GRIK4: variants seen among roughly 807,000 people sequenced by gnomAD.
The protein encoded by GRIK4 is glutamate receptor ionotropic, kainate 4.
A neutral mutation model predicts 104.9 loss-of-function variants in GRIK4; 40 were observed. That is an observed-to-expected ratio of 0.38 (90% confidence interval 0.30 to 0.50). GRIK4 has a LOEUF of 0.50. Ranked by LOEUF, GRIK4 falls within the 20% of genes least tolerant of loss-of-function variation. The pLI, the probability that GRIK4 is intolerant of heterozygous loss-of-function variation, is 0.93. For synonymous variants in GRIK4, 485 were observed against 524.9 expected (o/e 0.92, Z 1.04); for missense variants, 1,047 against 1,308.1 (o/e 0.80, Z 3.08).
chr11:120,691,186 A>G (rs1283259046), intron 3 of GRIK4, among the ~76,000 whole-genome samples: 1 of 152,130 alleles, frequency 6.6e-6, no homozygotes, highest in East Asian at 1.9e-4. Context: ...ACTGTTTTCA[A>G]TTCACCTACC....
At chr11:120,850,284 C>T (rs774690593) in intron 8 of GRIK4, among the ~76,000 whole-genome samples, 1 of 151,924 alleles carries the variant, frequency 6.6e-6, no homozygotes, top group African/African-American at 2.4e-5. Context: ...TAAAATTCAT[C>T]GTAGTCACAG....
chr11:120,965,853 T>G (rs1944374838), intron 18 of GRIK4, among the ~76,000 whole-genome samples: 1 of 152,210 alleles, frequency 6.6e-6, no homozygotes, highest in African/African-American at 2.4e-5. Flanking sequence ...CTTGAAAATT[T>G]GAAAAGCACT....
chr11:120,853,247 T>C (rs1421986716), intron 8 of GRIK4, among the ~76,000 whole-genome samples: 1 of 152,118 alleles, frequency 6.6e-6, no homozygotes, highest in Non-Finnish European at 1.5e-5. Flanking sequence ...AATCATAGCA[T>C]GAAAAGACTT....
chr11:120,772,215 A>AAAAC (rs367976403), intron 3 of GRIK4, among the ~76,000 whole-genome samples: 5 of 152,226 alleles, frequency 3.3e-5, no homozygotes, highest in South Asian at 2.1e-4. Context: ...TGCTATTTAA[A>AAAAC]AAACAAACAA....
intron 1 of GRIK4, among the ~76,000 whole-genome samples, chr11:120,519,420 T>A (rs1947769718): frequency 6.6e-6 from 1 of 152,008 alleles, no homozygotes; most frequent in Non-Finnish European, 1.5e-5. Context: ...CAAAGCCCCC[T>A]CACCGCTCCC....
chr11:120,558,363 G>A (rs1307266044), intron 1 of GRIK4, among the ~76,000 whole-genome samples: 6 of 152,184 alleles, frequency 3.9e-5, no homozygotes, highest in African/African-American at 7.2e-5. Context: ...CGAGGTGGGC[G>A]GATCATGATG....
At chr11:120,808,986 G>A (rs1952772255) in intron 4 of GRIK4, among the ~76,000 whole-genome samples, 1 of 152,086 alleles carries the variant, frequency 6.6e-6, no homozygotes, top group African/African-American at 2.4e-5. Flanking sequence ...CTGGCCCCCT[G>A]GGTCCATCCA....
At chr11:120,802,359 G>C (rs1415139877) in intron 3 of GRIK4, among the ~76,000 whole-genome samples, 1 of 152,200 alleles carries the variant, frequency 6.6e-6, no homozygotes, top group Non-Finnish European at 1.5e-5. Flanking sequence ...CACAATGCCT[G>C]CTTGCCTGTG....
At chr11:120,585,744 G>C (rs1382427888) in intron 1 of GRIK4, among the ~76,000 whole-genome samples, 1 of 145,312 alleles carries the variant, frequency 6.9e-6, no homozygotes, top group South Asian at 2.2e-4. Context: ...TTTTGCAAAT[G>C]GGTATCCAAT....
chr11:120,699,075 C>T (rs1950506203), intron 3 of GRIK4, among the ~76,000 whole-genome samples: 1 of 152,244 alleles, frequency 6.6e-6, no homozygotes, highest in African/African-American at 2.4e-5. Context: ...CTACACACTG[C>T]ATCTCTCGTG....
chr11:120,866,777 C>G (rs538102518), intron 9 of GRIK4, among the ~76,000 whole-genome samples: 1 of 152,334 alleles, frequency 6.6e-6, no homozygotes, highest in South Asian at 2.1e-4. Flanking sequence ...TCAGCTTTCT[C>G]TCAGCCAAGC....
chr11:120,686,576 A>C (rs1950279857), intron 3 of GRIK4, among the ~76,000 whole-genome samples: 1 of 152,262 alleles, frequency 6.6e-6, no homozygotes, highest in African/African-American at 2.4e-5. Context: ...GATGGGCTGC[A>C]TCACGTCTAT....
At chr11:120,874,519 G>A (rs1030744509) in intron 10 of GRIK4, among the ~76,000 whole-genome samples, 3 of 152,138 alleles carry the variant, frequency 2.0e-5, no homozygotes, top group Non-Finnish European at 2.9e-5. Context: ...TCTGCTCAGC[G>A]GTGTTCTCAG....
chr11:120,886,669 C>T lies in GRIK4; in HGVS notation c.1164+11426C>T, dbSNP rs79584273. 9.2e-5 allele frequency among the ~76,000 whole-genome samples: 14 copies of T among 152,046 alleles called. No homozygotes were observed. The South Asian group carries it at 1.5e-3, about 16-fold the overall frequency. On this transcript the variant is annotated intron_variant, in intron 11 of 20. Transcript: ENST00000527524. ...GCAACTTTATAGAACAGAACTACCA[C>T]GAATAATGGAATCACCTGTAGTGAG...
intron 3 of GRIK4, among the ~76,000 whole-genome samples, chr11:120,665,893 T>C (rs1230420700): frequency 6.6e-6 from 1 of 152,180 alleles, no homozygotes; most frequent in Admixed American, 6.5e-5. Flanking sequence ...GTGTCATCCG[T>C]CTTCCCTTGG....
intron 1 of GRIK4, among the ~76,000 whole-genome samples, chr11:120,533,776 GC>G (rs1388913063): frequency 6.6e-6 from 1 of 152,212 alleles, no homozygotes; most frequent in Non-Finnish European, 1.5e-5. Flanking sequence ...TACTTGGGAG[GC>G]TAAGGCAGAG....
At chr11:120,564,465 G>T (rs1252560243) in intron 1 of GRIK4, 3 of 152,234 alleles carry the variant, frequency 2.0e-5, no homozygotes, top group Admixed American at 1.3e-4. Context: ...TTCGGGAGGA[G>T]TGGGGTCGGA....
At chr11:120,714,757 G>A (rs967875068) in intron 3 of GRIK4, among the ~76,000 whole-genome samples, 1 of 152,198 alleles carries the variant, frequency 6.6e-6, no homozygotes, top group Non-Finnish European at 1.5e-5. Context: ...CCTGAGTCAA[G>A]AGAGAATATG....
intron 8 of GRIK4, among the ~76,000 whole-genome samples, chr11:120,840,759 C>T (rs1387435980): frequency 6.6e-6 from 1 of 152,208 alleles, no homozygotes; most frequent in Non-Finnish European, 1.5e-5. Context: ...ATCTGCCTGC[C>T]TGCCTGCCTT....
Sources: gnomAD v4.1 joint callset for allele counts (sites outside exome capture counted in the v4.1 genomes callset) on GRCh38, gnomAD v4.1.1 for gene constraint, MANE v1.5 for transcripts, NCBI Gene and HGNC (gene_info 2026-07-23, HGNC 2026-07-21) for gene names.